Variants in ALKAL2 observed in about 807,000 individuals in gnomAD.
ALKAL2 encodes ALK and LTK ligand 2.
ALKAL2 carries 8 observed loss-of-function variants against 18.5 expected under a neutral mutation model. The ratio of observed to expected loss-of-function variants is 0.43; its 90% CI spans 0.25 to 0.78. ALKAL2 has a LOEUF of 0.78. Ranked by LOEUF, ALKAL2 falls within the 30% of genes least tolerant of loss-of-function variation. The probability of loss-of-function intolerance (pLI) is 0.22; values close to 1 mark genes in which losing one functional copy is unlikely to be tolerated. For missense variants in ALKAL2, 241 were observed against 211.2 expected, an observed-to-expected ratio of 1.14 and a Z score of -0.88; for synonymous variants, 135 against 95.8, an observed-to-expected ratio of 1.41 and a Z score of -2.39.
At position 279,801 on chromosome 2, in the gene ALKAL2, C is replaced by T. The variant is rs1670276561; in HGVS notation, c.*346G>A. On this transcript the variant is annotated 3_prime_UTR_variant, in exon 6 of 6. Coordinates refer to ENST00000403610, the MANE Select transcript of ALKAL2 (RefSeq NM_001002919.3). Reference sequence around the variant, plus strand: ...TCAAATTATGTTATATGAAAATATACTTTAAGATTCTGCTTATGTTTCTAA... The same window carrying T: ...TCAAATTATGTTATATGAAAATATATTTTAAGATTCTGCTTATGTTTCTAA... 1 of 250,952 alleles carries T rather than the reference C, an allele frequency of 4.0e-6. No homozygotes were observed. Among genetic ancestry groups the T allele is most frequent in the South Asian group, 1.2e-4 (1 of 8,208 alleles). The allele number at this position is 250,952 out of a possible 1,614,324, so 15.5% of individuals were successfully genotyped here.
Position 280,070 on chromosome 2 carries a change from T to C in ALKAL2, c.*77A>G. 1 of 1,536,772 alleles carries C rather than the reference T, an allele frequency of 6.5e-7. No individual in the cohort carries two copies. Among genetic ancestry groups the C allele is most frequent in the South Asian group, 1.1e-5 (1 of 89,402 alleles). Reference sequence around the variant, plus strand: ...TCTCTTGTCCATGAGGGGATGTGTATAAAGATAGTTCTGTTTCCCTGTTGG... The same window carrying C: ...TCTCTTGTCCATGAGGGGATGTGTACAAAGATAGTTCTGTTTCCCTGTTGG... On this transcript the variant is annotated 3_prime_UTR_variant, in exon 6 of 6. Transcript: ENST00000403610.
chr2:283,242 A>G (rs2103082208), intron 4 of ALKAL2, 67 bp from the exon 5 acceptor site: 1 of 1,555,590 alleles, frequency 6.4e-7, no homozygotes, highest in East Asian at 2.4e-5. Flanking sequence ...TTTTTTTGCA[A>G]GTATATCAGC....
chr2:283,463 CTTCTCTCAG>C (rs1467638289), intron 4 of ALKAL2: 1 of 985,304 alleles, frequency 1.0e-6, no homozygotes, highest in Admixed American at 6.1e-5. Flanking sequence ...CTGCCCATTG[CTTCTCTCAG>C]AAATAACTTC....
At chr2:283,266 TATTTCTTCAA>T in intron 4 of ALKAL2, 91 bp from the exon 5 acceptor site, 1 of 1,523,172 alleles carries the variant, frequency 6.6e-7, no homozygotes, top group Non-Finnish European at 8.8e-7. Flanking sequence ...TAAAGCCATT[TATTTCTTCAA>T]ATATCTGAAT....
intron 4 of ALKAL2, 131 bp from the exon 5 acceptor site, chr2:283,306 G>A: frequency 6.9e-7 from 1 of 1,455,430 alleles, no homozygotes; most frequent in African/African-American, 1.4e-5. Flanking sequence ...GCAATACGGA[G>A]TCTAATCTGC....
intron 4 of ALKAL2, among the ~76,000 whole-genome samples, chr2:285,221 T>A (rs1266613713): frequency 1.3e-5 from 2 of 152,202 alleles, no homozygotes; most frequent in East Asian, 3.9e-4. Flanking sequence ...CTATAAATGA[T>A]GGTTATTATT....
intron 4 of ALKAL2, 36 bp from the exon 5 acceptor site, chr2:283,211 T>G: frequency 1.3e-6 from 2 of 1,544,112 alleles, no homozygotes; most frequent in Non-Finnish European, 1.7e-6. Flanking sequence ...TGTCAGTTAC[T>G]TAAAAAACAA....
rs1558270665 is a variant in ALKAL2 at position 287,767 on chromosome 2, C to G, written c.69G>C (p.Arg23=). The G allele has an allele frequency of 7.0e-7, 1 of 1,423,664 alleles. No individual in the cohort carries two copies. The highest frequency in any genetic ancestry group is 9.1e-7 in the Non-Finnish European group (1 of 1,093,966). The allele number at this position is 1,423,664 out of a possible 1,614,324, so 88.2% of individuals were successfully genotyped here. The change falls in exon 2 of 6, where the codon CGG becomes CGC. Residue 23 remains arginine (R), a synonymous_variant. Coordinates refer to ENST00000403610, the MANE Select transcript of ALKAL2 (RefSeq NM_001002919.3). ...CCGGCTCCCGGGGCTCCGCGCCCCC[C>G]CGGCCGCGCCCCGCCGCCCCCAGCA... ...LLVLGAAGRG[R]GGAEPREPAD...
rs1415312551 is a variant in ALKAL2, at chr2:288,011, A to C, written c.-58+2T>G. 4 of 1,224,316 alleles carry C rather than the reference A, an allele frequency of 3.3e-6. No individual in the cohort carries two copies. Among genetic ancestry groups the C allele is most frequent in the Admixed American group, 4.4e-5 (1 of 22,804 alleles). 75.8% of individuals were successfully genotyped at this position (1,224,316 alleles called of 1,614,324 possible). A position where few individuals can be genotyped will look rare whatever the true frequency, so the allele number is the denominator to read the frequency against. On this transcript the variant is annotated splice_donor_variant, in intron 1 of 5. Transcript: ENST00000403610. LOFTEE classifies it low-confidence loss of function (5UTR_SPLICE). ...CCGCTGGCGCTGGACCCGGCCCCTC[A>C]CCTCCGCGGACCCCGAGGAACAAGC...
chr2:287,472 G>C, intron 2 of ALKAL2, 111 bp downstream of exon 2: 1 of 522,506 alleles, frequency 1.9e-6, no homozygotes, highest in Non-Finnish European at 2.9e-6. Flanking sequence ...AAAAAAAAAG[G>C]AATCCTGCTG....
chr2:288,012 C>G lies in ALKAL2; in HGVS notation c.-58+1G>C. ...CGCTGGCGCTGGACCCGGCCCCTCA[C>G]CTCCGCGGACCCCGAGGAACAAGCC... On this transcript the variant is annotated splice_donor_variant, in intron 1 of 5. Coordinates refer to ENST00000403610, the MANE Select transcript of ALKAL2 (RefSeq NM_001002919.3). LOFTEE classifies it low-confidence loss of function (5UTR_SPLICE). 8.2e-7 allele frequency: 1 copy of G among 1,226,832 alleles called. No individual in the cohort carries two copies. Among genetic ancestry groups the G allele is most frequent in the Non-Finnish European group, 1.0e-6 (1 of 986,406 alleles). 76.0% of individuals were successfully genotyped at this position (1,226,832 alleles called of 1,614,324 possible).
rs971564807 is a variant in ALKAL2 at position 287,885 on chromosome 2, T to C, written c.-50A>G. The C allele has an allele frequency of 1.3e-5, 16 of 1,191,446 alleles. No individual in the cohort carries two copies. The East Asian group carries it at 3.2e-4, about 24-fold the overall frequency. The allele number at this position is 1,191,446 out of a possible 1,614,324, so 73.8% of individuals were successfully genotyped here. ...GGAGACTCCGACACGCGCCGAGAGCTGGGCTCGCTGCGAGAGAAGGGGCGC... is the reference window on the plus strand; with the variant it reads ...GGAGACTCCGACACGCGCCGAGAGCCGGGCTCGCTGCGAGAGAAGGGGCGC... On this transcript the variant is annotated 5_prime_UTR_variant, in exon 2 of 6. Coordinates refer to ENST00000403610, the MANE Select transcript of ALKAL2 (RefSeq NM_001002919.3).
At chr2:286,234 A>G in intron 3 of ALKAL2, 31 bp from the exon 4 acceptor site, 1 of 1,612,162 alleles carries the variant, frequency 6.2e-7, no homozygotes, top group Middle Eastern at 1.7e-4. Flanking sequence ...CAGATCATGA[A>G]GACTCACAGG....
In ALKAL2 at chr2:280,105, C is replaced by A; in HGVS notation, c.*42G>T. Reference sequence around the variant, plus strand: ...TCTGTTTCCCTGTTGGTTTCCAAGGCACTTCTCATGGCTCCTGGTGTGCTG... The same window carrying A: ...TCTGTTTCCCTGTTGGTTTCCAAGGAACTTCTCATGGCTCCTGGTGTGCTG... On this transcript the variant is annotated 3_prime_UTR_variant, in exon 6 of 6. Transcript: ENST00000403610. The A allele has an allele frequency of 6.2e-7, 1 of 1,613,498 alleles. No individual in the cohort carries two copies. Among genetic ancestry groups the A allele is most frequent in the Non-Finnish European group, 8.5e-7 (1 of 1,179,432 alleles).
intron 5 of ALKAL2, among the ~76,000 whole-genome samples, chr2:282,171 T>C (rs1225110905): frequency 6.6e-6 from 1 of 152,132 alleles, no homozygotes. Context: ...GGTGTTGGGG[T>C]CATGCACACA....
chr2:286,409 GTGAATGT>G, intron 2 of ALKAL2, 66 bp from the exon 3 acceptor site: 1 of 1,302,224 alleles, frequency 7.7e-7, no homozygotes, highest in Non-Finnish European at 1.1e-6. Flanking sequence ...GTGATCTTAA[GTGAATGT>G]TGAAGAAAAT....
Position 287,740 on chromosome 2 carries a change from C to A in ALKAL2, c.96G>T (p.Ala32=). ...CCAGCCGCAGCAGCGCCTGTCCGTCCGCCGGCTCCCGGGGCTCCGCGCCCC... is the reference window on the plus strand; with the variant it reads ...CCAGCCGCAGCAGCGCCTGTCCGTCAGCCGGCTCCCGGGGCTCCGCGCCCC... ...GRGGAEPREP[A]DGQALLRLVV... is the part of the protein sequence containing the mutation. The change falls in exon 2 of 6, where the codon GCG becomes GCT. Residue 32 remains alanine (A), a synonymous_variant. Transcript: ENST00000403610. 6.9e-7 allele frequency: 1 copy of A among 1,458,562 alleles called. No individual in the cohort carries two copies. The highest frequency in any genetic ancestry group is 1.3e-5 in the South Asian group (1 of 75,246). The allele number at this position is 1,458,562 out of a possible 1,614,324, so 90.4% of individuals were successfully genotyped here.
intron 5 of ALKAL2, among the ~76,000 whole-genome samples, chr2:281,543 G>A (rs955253276): frequency 2.6e-5 from 4 of 152,184 alleles, no homozygotes; most frequent in African/African-American, 9.7e-5. Flanking sequence ...ACGTGCGCAC[G>A]CAGAGACCCA....
At position 288,086 on chromosome 2, in the gene ALKAL2, G is replaced by A. The variant is rs1014696817; in HGVS notation, c.-131C>T. 14 of 1,189,938 alleles carry A rather than the reference G, an allele frequency of 1.2e-5. No individual in the cohort carries two copies. In the Admixed American group the frequency reaches 2.3e-4, roughly 19 times the overall value. The allele number at this position is 1,189,938 out of a possible 1,614,324, so 73.7% of individuals were successfully genotyped here. On this transcript the variant is annotated 5_prime_UTR_variant, in exon 1 of 6. Transcript: ENST00000403610. ...CCTCGACGATCACGCCCGAGGTCCCGCCCACGGGGAGCGACCGCCGCTGGT... is the reference window on the plus strand; with the variant it reads ...CCTCGACGATCACGCCCGAGGTCCCACCCACGGGGAGCGACCGCCGCTGGT...
Sources: allele counts gnomAD v4.1 joint callset (sites outside exome capture counted in the v4.1 genomes callset), GRCh38; gene constraint gnomAD v4.1.1; transcripts MANE v1.5; gene names NCBI Gene and HGNC (gene_info 2026-07-23, HGNC 2026-07-21).